FBXO25: variants seen among roughly 807,000 people sequenced by gnomAD.
FBXO25 encodes F-box only protein 25.
Under a neutral mutation model 51.9 loss-of-function variants are expected in FBXO25, and 45 were observed. The ratio of observed to expected loss-of-function variants is 0.87; its 90% CI spans 0.68 to 1.11. The LOEUF (loss-of-function observed/expected upper bound fraction) is 1.11, where lower values mean the gene tolerates loss of function less well. FBXO25 is among the 50% of genes most tolerant of loss of function. The pLI is 0.00. For missense variants in FBXO25, 507 were observed against 428.5 expected (o/e 1.18, Z -1.62); for synonymous variants, 199 against 151.0 (o/e 1.32, Z -2.33).
In FBXO25 at chr8:471,041, C is replaced by G. The variant is rs1359691038; in HGVS notation, c.*2237C>G. 1 of 152,166 alleles carries G rather than the reference C, an allele frequency of 6.6e-6. No homozygotes were observed. The highest frequency in any genetic ancestry group is 2.4e-5 in the African/African-American group (1 of 41,434). The allele number at this position is 152,166 out of a possible 1,614,324, so 9.4% of individuals were successfully genotyped here. Reference sequence around the variant, plus strand: ...TTATAACAGTTCTCAGCTGTGCTATCAAATCACAGATGTGCATTTAACTTG... The same window carrying G: ...TTATAACAGTTCTCAGCTGTGCTATGAAATCACAGATGTGCATTTAACTTG... On this transcript the variant is annotated 3_prime_UTR_variant, in exon 10 of 10. Transcript: ENST00000350302.
chr8:466,287 A>T (rs1490192239), intron 9 of FBXO25, among the ~76,000 whole-genome samples: 1 of 152,188 alleles, frequency 6.6e-6, no homozygotes, highest in African/African-American at 2.4e-5. Flanking sequence ...CCAAACCCAG[A>T]TTGGAGTCAG....
chr8:460,753 A>T (rs989373903), intron 8 of FBXO25, among the ~76,000 whole-genome samples: 1 of 152,256 alleles, frequency 6.6e-6, no homozygotes, highest in African/African-American at 2.4e-5. Context: ...GTCTCTAGGA[A>T]CTATTGTTTT....
chr8:440,885 G>A (rs1798386559), intron 5 of FBXO25, among the ~76,000 whole-genome samples: 1 of 143,828 alleles, frequency 7.0e-6, no homozygotes, highest in African/African-American at 2.6e-5. Flanking sequence ...ATGGTTTCCA[G>A]TTTCATCCAT....
intron 2 of FBXO25, among the ~76,000 whole-genome samples, chr8:429,953 C>G (rs1433778397): frequency 6.6e-6 from 1 of 152,236 alleles, no homozygotes; most frequent in Non-Finnish European, 1.5e-5. Flanking sequence ...GCCCCACCAC[C>G]TATGGGCAGA....
At chr8:407,825 G>C (rs1464110569) in intron 1 of FBXO25, among the ~76,000 whole-genome samples, 1 of 152,022 alleles carries the variant, frequency 6.6e-6, no homozygotes, top group Non-Finnish European at 1.5e-5. Flanking sequence ...TCTTGCAGCA[G>C]ACACTAATTT....
Position 477,201 on chromosome 8 carries a change from T to C in FBXO25, c.*8397T>C, listed in dbSNP as rs1585123079. On this transcript the variant is annotated 3_prime_UTR_variant, in exon 10 of 10. Transcript: ENST00000350302. ...TGTTGACTTGTTTAGTCATCTAACATACTGTCTATCCTAGAGAAAGGTCCA... is the reference window on the plus strand; with the variant it reads ...TGTTGACTTGTTTAGTCATCTAACACACTGTCTATCCTAGAGAAAGGTCCA... 1 of 152,376 alleles carries C rather than the reference T, an allele frequency of 6.6e-6. No homozygotes were observed. The highest frequency in any genetic ancestry group is 1.9e-4 in the East Asian group (1 of 5,182). The allele number at this position is 152,376 out of a possible 1,614,324, so 9.4% of individuals were successfully genotyped here.
At chr8:419,646 T>C (rs1322303469) in intron 2 of FBXO25, among the ~76,000 whole-genome samples, 1 of 152,182 alleles carries the variant, frequency 6.6e-6, no homozygotes, top group Non-Finnish European at 1.5e-5. Context: ...GCTCACATTT[T>C]ATACAAAAAT....
chr8:444,097 A>G (rs531202081), intron 5 of FBXO25, among the ~76,000 whole-genome samples: 10 of 152,230 alleles, frequency 6.6e-5, no homozygotes, highest in African/African-American at 1.2e-4. Flanking sequence ...GCATTACAGC[A>G]TTGAAAGGGC....
At chr8:407,419 G>T in intron 1 of FBXO25, 1 of 985,072 alleles carries the variant, frequency 1.0e-6, no homozygotes, top group Non-Finnish European at 1.2e-6. Flanking sequence ...CGTCAGGTGG[G>T]GTCTGGGGGC....
At chr8:459,742 T>C (rs141154023) in intron 8 of FBXO25, among the ~76,000 whole-genome samples, 1 of 152,088 alleles carries the variant, frequency 6.6e-6, no homozygotes, top group East Asian at 1.9e-4. Flanking sequence ...CAGATGCATA[T>C]GGAGAGGACA....
Position 473,567 on chromosome 8 carries a change from T to A in FBXO25, c.*4763T>A, listed in dbSNP as rs1800549663. 1 of 152,212 alleles carries A rather than the reference T, an allele frequency of 6.6e-6. No individual in the cohort carries two copies. The highest frequency in any genetic ancestry group is 2.1e-4 in the South Asian group (1 of 4,828). 9.4% of individuals were successfully genotyped at this position (152,212 alleles called of 1,614,324 possible). A position where few individuals can be genotyped will look rare whatever the true frequency, so the allele number is the denominator to read the frequency against. On this transcript the variant is annotated 3_prime_UTR_variant, in exon 10 of 10. Transcript: ENST00000350302. ...CCTTTTTGTACTTGGTCCTCTTCCT[T>A]CCAATCCTCACTGGCTCAAATCCAC...
chr8:451,642 A>G (rs777932485), intron 7 of FBXO25, among the ~76,000 whole-genome samples, 189 bp downstream of exon 7: 14 of 152,220 alleles, frequency 9.2e-5, no homozygotes, highest in East Asian at 1.9e-4. Flanking sequence ...GCTATTGGAA[A>G]GACAGTGGGA....
chr8:452,466 G>C (rs1799158318), intron 7 of FBXO25, among the ~76,000 whole-genome samples: 1 of 152,218 alleles, frequency 6.6e-6, no homozygotes, highest in African/African-American at 2.4e-5. Context: ...AGACACTTAT[G>C]CATGGCATGG....
chr8:412,962 C>T (rs1796572942), intron 1 of FBXO25, 111 bp from the exon 2 acceptor site: 4 of 964,394 alleles, frequency 4.1e-6, no homozygotes, highest in African/African-American at 1.8e-5. Context: ...AATTAATGAG[C>T]AGACATTTAA....
Position 451,537 on chromosome 8 carries a change from C to T in FBXO25, c.660+84C>T, listed in dbSNP as rs529221185. 6 of 1,281,504 alleles carry T rather than the reference C, an allele frequency of 4.7e-6. No individual in the cohort carries two copies. The South Asian group carries it at 5.5e-5, about 12-fold the overall frequency. The allele number at this position is 1,281,504 out of a possible 1,614,324, so 79.4% of individuals were successfully genotyped here. A position where few individuals can be genotyped will look rare whatever the true frequency, so the allele number is the denominator to read the frequency against. ...TTTTCTAAGCATACATGAAAGACTG[C>T]TATAGCTTTTTGAAAGATTTTCTAA... On this transcript the variant is annotated intron_variant, in intron 7 of 9. Coordinates refer to ENST00000350302, the MANE Select transcript of FBXO25 (RefSeq NM_183420.2).
intron 2 of FBXO25, among the ~76,000 whole-genome samples, chr8:430,024 A>C (rs1343466339): frequency 6.6e-6 from 1 of 152,214 alleles, no homozygotes; most frequent in Non-Finnish European, 1.5e-5. Flanking sequence ...TTTCTGTCCC[A>C]TGCTCACATG....
chr8:455,743 G>C (rs1321323163), intron 7 of FBXO25, among the ~76,000 whole-genome samples: 1 of 152,222 alleles, frequency 6.6e-6, no homozygotes, highest in African/African-American at 2.4e-5. Context: ...TGCAGTGTAG[G>C]TGTGAGAGAT....
At position 476,920 on chromosome 8, in the gene FBXO25, A is replaced by G. The variant is rs1049383997; in HGVS notation, c.*8116A>G. ...GTTGACTTGAGATCTTAATTTGTTTAATAGGTGTATTTACAGTTACAAATT... is the reference window on the plus strand; with the variant it reads ...GTTGACTTGAGATCTTAATTTGTTTGATAGGTGTATTTACAGTTACAAATT... On this transcript the variant is annotated 3_prime_UTR_variant, in exon 10 of 10. Coordinates refer to ENST00000350302, the MANE Select transcript of FBXO25 (RefSeq NM_183420.2). The G allele has an allele frequency of 1.3e-5, 2 of 152,046 alleles. No homozygotes were observed. The highest frequency in any genetic ancestry group is 6.6e-5 in the Admixed American group (1 of 15,266). The allele number at this position is 152,046 out of a possible 1,614,324, so 9.4% of individuals were successfully genotyped here.
At chr8:435,057 C>A (rs1798022303) in intron 4 of FBXO25, among the ~76,000 whole-genome samples, 1 of 152,154 alleles carries the variant, frequency 6.6e-6, no homozygotes, top group Non-Finnish European at 1.5e-5. Flanking sequence ...GCTACCGAAG[C>A]ACCTCTCCCA....
Sources: gnomAD v4.1 joint callset for allele counts (sites outside exome capture counted in the v4.1 genomes callset) on GRCh38, gnomAD v4.1.1 for gene constraint, MANE v1.5 for transcripts, NCBI Gene and HGNC (gene_info 2026-07-23, HGNC 2026-07-21) for gene names.